Variants in CHCHD3 observed in about 807,000 individuals in gnomAD.
CHCHD3 encodes the protein MICOS complex subunit MIC19.
Under a neutral mutation model 38.2 loss-of-function variants are expected in CHCHD3, and 20 were observed. That is an observed-to-expected ratio of 0.52 (90% CI 0.37 to 0.76). The LOEUF (loss-of-function observed/expected upper bound fraction) is 0.76, where lower values mean the gene tolerates loss of function less well. CHCHD3 is among the 30% of genes least tolerant of loss of function. The pLI is 0.00. For missense variants in CHCHD3, 245 were observed against 279.2 expected (o/e 0.88, Z 0.87); for synonymous variants, 82 against 100.0 (o/e 0.82, Z 1.07).
At chr7:133,017,496 T>C (rs1023657376) in intron 3 of CHCHD3, among the ~76,000 whole-genome samples, 1 of 152,186 alleles carries the variant, frequency 6.6e-6, no homozygotes. Context: ...TATATAACAC[T>C]GAGAAACCAA....
At position 132,843,246 on chromosome 7, in the gene CHCHD3, T is replaced by C. The variant is rs181411093; in HGVS notation, c.454-4777A>G. Among the ~76,000 whole-genome samples the C allele has an allele frequency of 1.1e-4, 16 of 152,166 alleles. No individual in the cohort carries two copies. The East Asian group carries it at 3.1e-3, about 30-fold the overall frequency. Reference sequence around the variant, plus strand: ...CTTGGTTCAAGGTCTATGGACCACCTGCTTCAGAGTCACTTATGGAGCTTA... The same window carrying C: ...CTTGGTTCAAGGTCTATGGACCACCCGCTTCAGAGTCACTTATGGAGCTTA... On this transcript the variant is annotated intron_variant, in intron 5 of 7. Coordinates refer to ENST00000262570, the MANE Select transcript of CHCHD3 (RefSeq NM_017812.4).
chr7:133,021,922 T>TA (rs1476403226), intron 3 of CHCHD3, among the ~76,000 whole-genome samples: 1 of 151,860 alleles, frequency 6.6e-6, no homozygotes, highest in Non-Finnish European at 1.5e-5. Flanking sequence ...CCGTCTCTAC[T>TA]AAAAATACAA....
chr7:132,794,980 T>C (rs1378208714), intron 7 of CHCHD3, among the ~76,000 whole-genome samples: 1 of 152,232 alleles, frequency 6.6e-6, no homozygotes, highest in African/African-American at 2.4e-5. Flanking sequence ...CTTTATCCTA[T>C]AAATATATAC....
chr7:132,822,783 T>C (rs952136113), intron 6 of CHCHD3, among the ~76,000 whole-genome samples: 1 of 152,168 alleles, frequency 6.6e-6, no homozygotes, highest in Non-Finnish European at 1.5e-5. Flanking sequence ...CGCTGCAGCC[T>C]TCTTCTGCAC....
intron 6 of CHCHD3, among the ~76,000 whole-genome samples, chr7:132,818,285 C>T (rs1264717176): frequency 5.3e-5 from 8 of 152,226 alleles, no homozygotes; most frequent in African/African-American, 1.9e-4. Flanking sequence ...GTGTCCACGA[C>T]GTGGCAAGAC....
chr7:133,028,451 C>T (rs990866192), intron 2 of CHCHD3, among the ~76,000 whole-genome samples: 1 of 152,058 alleles, frequency 6.6e-6, no homozygotes, highest in Non-Finnish European at 1.5e-5. Flanking sequence ...CCCTTCAAAA[C>T]TCACATTGAA....
chr7:133,070,207 C>G lies in CHCHD3; in HGVS notation c.104G>C (p.Arg35Pro), dbSNP rs953388125. 1 of 1,613,222 alleles carries G rather than the reference C, an allele frequency of 6.2e-7. No individual in the cohort carries two copies. Among genetic ancestry groups the G allele is most frequent in the Non-Finnish European group, 8.5e-7 (1 of 1,179,870 alleles). ...GIRLSENVID[R>P]MKESSPSGSK... ...ACCAGATGGAGAGGATTCCTTCATT[C>G]GATCAATCACATTTTCCGAAAGCTG... The change falls in exon 2 of 8, where the codon CGA becomes CCA. Residue 35 changes from arginine to proline, a missense_variant. Transcript: ENST00000262570.
At chr7:132,948,900 G>A (rs1011269608) in intron 4 of CHCHD3, among the ~76,000 whole-genome samples, 2 of 152,028 alleles carry the variant, frequency 1.3e-5, no homozygotes, top group African/African-American at 2.4e-5. Context: ...CATTTGGTCC[G>A]TCATCCCTTT....
At chr7:132,879,716 TAAAAAAAAA>T (rs56259114) in intron 5 of CHCHD3, among the ~76,000 whole-genome samples, 21 of 38,434 alleles carry the variant, frequency 5.5e-4, no homozygotes, top group African/African-American at 1.5e-3. Context: ...TTGTCAAAAG[TAAAAAAAAA>T]AAAAAAAAAA....
intron 3 of CHCHD3, among the ~76,000 whole-genome samples, chr7:133,020,675 G>A (rs1813153903): frequency 6.6e-6 from 1 of 152,178 alleles, no homozygotes; most frequent in Non-Finnish European, 1.5e-5. Flanking sequence ...TGCTTGCACA[G>A]AAGCATCAAA....
At chr7:132,856,073 T>C (rs1808337525) in intron 5 of CHCHD3, among the ~76,000 whole-genome samples, 1 of 152,180 alleles carries the variant, frequency 6.6e-6, no homozygotes, top group Non-Finnish European at 1.5e-5. Flanking sequence ...GGGGTGATAA[T>C]AAAATGCATT....
chr7:132,948,257 G>C (rs1261563133), intron 4 of CHCHD3, among the ~76,000 whole-genome samples: 1 of 151,974 alleles, frequency 6.6e-6, no homozygotes, highest in Non-Finnish European at 1.5e-5. Flanking sequence ...CTGACTGCTG[G>C]CTGTTTCCAA....
In CHCHD3 at chr7:133,032,697, T is replaced by G. The variant is rs1016504523; in HGVS notation, c.170-8070A>C. Among the ~76,000 whole-genome samples the G allele has an allele frequency of 2.0e-5, 3 of 152,152 alleles. No individual in the cohort carries two copies. In the East Asian group the frequency reaches 5.8e-4, roughly 29 times the overall value. Reference sequence around the variant, plus strand: ...TATTCTACAGTTTAGACATCTTAAGTAGACAATTCCTAAAACCCGTATTGA... The same window carrying G: ...TATTCTACAGTTTAGACATCTTAAGGAGACAATTCCTAAAACCCGTATTGA... On this transcript the variant is annotated intron_variant, in intron 2 of 7. Coordinates refer to ENST00000262570, the MANE Select transcript of CHCHD3 (RefSeq NM_017812.4).
intron 4 of CHCHD3, among the ~76,000 whole-genome samples, chr7:132,891,746 G>C (rs965942770): frequency 3.3e-5 from 5 of 152,326 alleles, no homozygotes; most frequent in African/African-American, 1.2e-4. Flanking sequence ...CACATGTTGA[G>C]GGATGGACCA....
At chr7:132,845,123 G>A (rs1017404347) in intron 5 of CHCHD3, 1 of 152,204 alleles carries the variant, frequency 6.6e-6, no homozygotes, top group African/African-American at 2.4e-5. Flanking sequence ...CCAAATCATG[G>A]CCCTACCCTT....
chr7:132,980,856 T>A (rs1259222474), intron 3 of CHCHD3, among the ~76,000 whole-genome samples: 1 of 152,208 alleles, frequency 6.6e-6, no homozygotes, highest in Admixed American at 6.5e-5. Flanking sequence ...ACTAGCCAGT[T>A]TGACTTTACT....
Position 133,035,560 on chromosome 7 carries a change from T to C in CHCHD3, c.170-10933A>G, listed in dbSNP as rs777112129. ...TCAGTGGCCTGTTTGTTGTGGTGCA[T>C]GATGCCCAAGGTGGGGAACACCCAG... On this transcript the variant is annotated intron_variant, in intron 2 of 7. Coordinates refer to ENST00000262570, the MANE Select transcript of CHCHD3 (RefSeq NM_017812.4). This position sits in a 1 kb window ranked among gnomAD's most constrained non-coding sequence, Gnocchi z 4.7. 6.2e-7 allele frequency: 1 copy of C among 1,613,554 alleles called. No individual in the cohort carries two copies. Among genetic ancestry groups the C allele is most frequent in the South Asian group, 1.1e-5 (1 of 91,054 alleles).
At chr7:132,898,825 C>T (rs1049523371) in intron 4 of CHCHD3, among the ~76,000 whole-genome samples, 1 of 152,238 alleles carries the variant, frequency 6.6e-6, no homozygotes, top group African/African-American at 2.4e-5. Flanking sequence ...GGACCCAGTA[C>T]ACCCTCTGCA....
At chr7:132,920,599 A>G (rs534212479) in intron 4 of CHCHD3, among the ~76,000 whole-genome samples, 1 of 152,316 alleles carries the variant, frequency 6.6e-6, no homozygotes, top group South Asian at 2.1e-4. Context: ...CTCTGTCGTC[A>G]TGAAAAAGCA....
Sources: gnomAD v4.1 joint callset for allele counts (sites outside exome capture counted in the v4.1 genomes callset) on GRCh38, gnomAD v4.1.1 for gene constraint, Gnocchi (gnomAD v3.1) non-coding constraint, MANE v1.5 for transcripts, NCBI Gene and HGNC (gene_info 2026-07-23, HGNC 2026-07-21) for gene names.